RALGAPB: variants seen among roughly 807,000 people sequenced by gnomAD.
RALGAPB encodes the protein Ral GTPase activating protein non-catalytic subunit beta, also known as ral GTPase-activating protein subunit beta.
RALGAPB carries 25 observed loss-of-function variants against 161.1 expected under a neutral mutation model. That is an observed-to-expected ratio of 0.16 (90% confidence interval 0.11 to 0.22). The LOEUF (loss-of-function observed/expected upper bound fraction) is 0.22, where lower values mean the gene tolerates loss of function less well. RALGAPB is among the 10% of genes least tolerant of loss of function. The pLI, the probability that RALGAPB is intolerant of heterozygous loss-of-function variation, is 1.00. For missense variants in RALGAPB, 1,391 were observed against 1,815.2 expected (o/e 0.77, Z 4.25); for synonymous variants, 629 against 626.1 (o/e 1.00, Z -0.07).
chr20:38,516,604 C>T (rs1041256161), intron 7 of RALGAPB: 8 of 418,314 alleles, frequency 1.9e-5, no homozygotes, highest in South Asian at 1.1e-4. Flanking sequence ...AAAAGTAATG[C>T]GGCCAAAACT....
chr20:38,521,751 A>G (rs1229642915), intron 10 of RALGAPB, 53 bp downstream of exon 10: 3 of 1,585,752 alleles, frequency 1.9e-6, no homozygotes, highest in South Asian at 2.3e-5. Context: ...TAGTGAAGCC[A>G]TTGTTGGTTG....
In RALGAPB at chr20:38,513,279, G is replaced by A. The variant is rs542365129; in HGVS notation, c.873-2913G>A. Among the ~76,000 whole-genome samples, 65 of 147,962 alleles carry A rather than the reference G, an allele frequency of 4.4e-4. No homozygotes were observed. The East Asian group carries it at 0.011, about 26-fold the overall frequency. ...AACACTTTGGGAGGCCAAGGTGGGC[G>A]GATCCCTTGAAGTCAGGAGTTCGAG... is the stretch of plus-strand genomic sequence containing the variant. On this transcript the variant is annotated intron_variant, in intron 6 of 29. Transcript: ENST00000262879.
intron 26 of RALGAPB, 25 bp downstream of exon 26, chr20:38,567,257 C>T (rs1231275712): frequency 6.2e-7 from 1 of 1,601,350 alleles, no homozygotes; most frequent in East Asian, 2.2e-5. Context: ...TGATAGGTCT[C>T]CAAAATTTTG....
intron 14 of RALGAPB, 51 bp from the exon 15 acceptor site, chr20:38,532,679 T>C: frequency 6.3e-7 from 1 of 1,595,144 alleles, no homozygotes; most frequent in Admixed American, 1.7e-5. Context: ...CCTTTATTTA[T>C]GCTTGTAAAC....
At chr20:38,565,265 A>G (rs1355679768) in intron 24 of RALGAPB, 94 bp from the exon 25 acceptor site, 4 of 1,397,886 alleles carry the variant, frequency 2.9e-6, no homozygotes, top group African/African-American at 2.9e-5. Flanking sequence ...TCTATTTATC[A>G]CTTTATTAAC....
chr20:38,526,321 C>A (rs2086466300), intron 13 of RALGAPB, among the ~76,000 whole-genome samples: 1 of 151,942 alleles, frequency 6.6e-6, no homozygotes, highest in Non-Finnish European at 1.5e-5. Context: ...TCCTTCCCAT[C>A]CCTCTCTTCT....
At chr20:38,509,763 A>G (rs1484069724) in intron 6 of RALGAPB, among the ~76,000 whole-genome samples, 1 of 152,178 alleles carries the variant, frequency 6.6e-6, no homozygotes. Context: ...GCTCTGTAGA[A>G]CATTTATTCT....
In RALGAPB at chr20:38,525,975, A is replaced by G; in HGVS notation, c.1983A>G (p.Arg661=). 1.2e-6 allele frequency: 2 copies of G among 1,613,890 alleles called. No individual in the cohort carries two copies. Among genetic ancestry groups the G allele is most frequent in the Non-Finnish European group, 1.7e-6 (2 of 1,179,822 alleles). Residue 661 remains arginine, a synonymous_variant, in exon 13 of 30, where the codon AGA becomes AGG. Transcript: ENST00000262879. ...KPITFLSLKL[R]LVNILIGALQ... The stretch of plus-strand genomic sequence containing the variant: ...TAACTTTTCTGTCCCTGAAGTTGAG[A>G]CTTGTGAATATATTAATAGGTGCCT...
chr20:38,489,815 A>G (rs56393481), intron 2 of RALGAPB, among the ~76,000 whole-genome samples: 1,590 of 152,254 alleles, frequency 0.01, 21 homozygotes, highest in African/African-American at 0.036. Flanking sequence ...TTCTCTCTTC[A>G]GAGGACCCTA....
In RALGAPB at chr20:38,570,926, G is replaced by T; in HGVS notation, c.4142+79G>T. Reference sequence around the variant, plus strand: ...TGCAGCTTAATAAATAAGGAATTATGAAACGAAAGAGTTGTAGACAACTAG... The same window carrying T: ...TGCAGCTTAATAAATAAGGAATTATTAAACGAAAGAGTTGTAGACAACTAG... On this transcript the variant is annotated intron_variant, in intron 28 of 29. Transcript: ENST00000262879. 7.3e-6 allele frequency: 7 copies of T among 961,110 alleles called. No homozygotes were observed. The South Asian group carries it at 1.1e-4, about 15-fold the overall frequency. The allele number at this position is 961,110 out of a possible 1,614,324, so 59.5% of individuals were successfully genotyped here. A position where few individuals can be genotyped will look rare whatever the true frequency, so the allele number is the denominator to read the frequency against.
intron 6 of RALGAPB, among the ~76,000 whole-genome samples, chr20:38,515,247 C>T (rs2086090089): frequency 6.6e-6 from 1 of 152,168 alleles, no homozygotes; most frequent in Non-Finnish European, 1.5e-5. Flanking sequence ...CATGCACACA[C>T]GTTCTCCTTT....
intron 6 of RALGAPB, among the ~76,000 whole-genome samples, chr20:38,511,321 C>CTT (rs796611204): frequency 3.2e-4 from 44 of 135,672 alleles, no homozygotes; most frequent in Non-Finnish European, 5.3e-4. Context: ...GTCTGCCTTT[C>CTT]TTTTTTTTTT....
At chr20:38,547,797 A>G (rs1474189740) in intron 19 of RALGAPB, 2 of 152,158 alleles carry the variant, frequency 1.3e-5, no homozygotes, top group African/African-American at 4.8e-5. Flanking sequence ...TCTACCCTAG[A>G]CATGGAGCTT....
chr20:38,479,086 G>A (rs576944289), intron 1 of RALGAPB, among the ~76,000 whole-genome samples: 8 of 152,236 alleles, frequency 5.3e-5, no homozygotes, highest in East Asian at 1.9e-4. Flanking sequence ...TGCTGCTGTC[G>A]TAACTCATCA....
chr20:38,530,358 A>G (rs2086616704), intron 13 of RALGAPB, among the ~76,000 whole-genome samples: 1 of 152,170 alleles, frequency 6.6e-6, no homozygotes, highest in Non-Finnish European at 1.5e-5. Context: ...TGGACTGCAA[A>G]TGGCATCATG....
chr20:38,546,517 G>A, intron 19 of RALGAPB, 87 bp downstream of exon 19: 34 of 1,556,458 alleles, frequency 2.2e-5, no homozygotes, highest in Non-Finnish European at 1.1e-5. Context: ...GGGAAGGACA[G>A]CCTACAGATT....
intron 19 of RALGAPB, among the ~76,000 whole-genome samples, 177 bp from the exon 20 acceptor site, chr20:38,548,512 G>A (rs2087250769): frequency 6.6e-6 from 1 of 152,212 alleles, no homozygotes; most frequent in African/African-American, 2.4e-5. Context: ...CAAAGTAATA[G>A]TACTTACAGT....
At chr20:38,568,668 A>G (rs2088104945) in intron 26 of RALGAPB, 1 of 152,078 alleles carries the variant, frequency 6.6e-6, no homozygotes, top group African/African-American at 2.4e-5. Context: ...CACTAGAACT[A>G]TTGAGGTGAG....
chr20:38,569,986 T>C lies in RALGAPB; in HGVS notation c.4053T>C (p.Tyr1351=), dbSNP rs1386953923. 6.2e-7 allele frequency: 1 copy of C among 1,610,800 alleles called. No homozygotes were observed. The highest frequency in any genetic ancestry group is 1.7e-5 in the Admixed American group (1 of 59,942). The change falls in exon 27 of 30, where the codon TAT becomes TAC. Residue 1351 remains tyrosine (Y), a synonymous_variant. Coordinates refer to ENST00000262879, the MANE Select transcript of RALGAPB (RefSeq NM_020336.4). ...TRVSVVWVER[Y]DDIENFPLSE... is the part of the protein sequence containing the mutation. Reference sequence around the variant, plus strand: ...TTTCTGTAGTCTGGGTGGAACGCTATGATGATATAGGTACTGTATGAGGAC... The same window carrying C: ...TTTCTGTAGTCTGGGTGGAACGCTACGATGATATAGGTACTGTATGAGGAC...
Sources: gnomAD v4.1 joint callset for allele counts (sites outside exome capture counted in the v4.1 genomes callset) on GRCh38, gnomAD v4.1.1 for gene constraint, MANE v1.5 for transcripts, NCBI Gene and HGNC (gene_info 2026-07-23, HGNC 2026-07-21) for gene names.